USP7: variants seen among roughly 807,000 people sequenced by gnomAD.
USP7 encodes ubiquitin specific peptidase 7, also known as ubiquitin C-terminal hydrolase 7.
USP7 carries 9 observed loss-of-function variants against 162.9 expected under a neutral mutation model. The observed-to-expected ratio is 0.06, with a 90% CI of 0.03 to 0.10. The LOEUF (loss-of-function observed/expected upper bound fraction) is 0.10, where lower values mean the gene tolerates loss of function less well. Among genes scored for constraint, USP7 ranks in the 10% least tolerant of loss-of-function variants. The probability of loss-of-function intolerance (pLI) is 1.00; values close to 1 mark genes in which losing one functional copy is unlikely to be tolerated. For missense variants in USP7, 715 were observed against 1,373.7 expected (o/e 0.52, Z 7.58); for synonymous variants, 562 against 475.9 (o/e 1.18, Z -2.35).
Position 8,956,633 on chromosome 16 carries a change from G to A in USP7, c.79+6574C>T, listed in dbSNP as rs368596833. 1.8e-3 allele frequency among the ~76,000 whole-genome samples: 274 copies of A among 152,194 alleles called. 2 individuals carry two copies. The highest frequency in any genetic ancestry group is 5.9e-3 in the African/African-American group (245 of 41,512). On this transcript the variant is annotated intron_variant, in intron 1 of 30. Coordinates refer to ENST00000344836, the MANE Select transcript of USP7 (RefSeq NM_003470.3). ...ATAAAAATTAGCCGGGCATGGTAGCGTGTGCCTGTAGTCCAGCTACTCGGG... is the reference window on the plus strand; with the variant it reads ...ATAAAAATTAGCCGGGCATGGTAGCATGTGCCTGTAGTCCAGCTACTCGGG...
chr16:8,946,362 C>T (rs759969636), intron 1 of USP7, among the ~76,000 whole-genome samples: 2 of 152,266 alleles, frequency 1.3e-5, no homozygotes, highest in Non-Finnish European at 2.9e-5. Context: ...AGGAGGATCA[C>T]TTGTGGCCAG....
chr16:8,921,370 T>C (rs989361143), intron 3 of USP7, 75 bp from the exon 4 acceptor site: 15 of 1,516,726 alleles, frequency 9.9e-6, no homozygotes, highest in Admixed American at 9.7e-5. Flanking sequence ...ACAGTAAACA[T>C]AGCACACCAA....
intron 1 of USP7, among the ~76,000 whole-genome samples, chr16:8,946,649 G>A (rs1327310382): frequency 5.9e-5 from 9 of 152,224 alleles, no homozygotes; most frequent in Middle Eastern, 3.4e-3. Context: ...GAGCATACAG[G>A]CATGGCAAAG....
In USP7 at chr16:8,921,221, C is replaced by G; in HGVS notation, c.458G>C (p.Arg153Pro). The change falls in exon 4 of 31, where the codon CGT becomes CCT. Residue 153 changes from arginine (R) to proline (P), a missense_variant. Around this residue, in one of 11 missense-constraint regions of USP7, gnomAD observed 35 missense variants for 101.0 expected, o/e 0.35. Transcript: ENST00000344836. ...YRDDEKSFSR[R>P]ISHLFFHKEN... ...TTTATGGAAGAACAAATGACTAATA[C>G]GACGACTGAACGACTTTTCATCATC... 6.2e-7 allele frequency: 1 copy of G among 1,614,028 alleles called. No individual in the cohort carries two copies. The highest frequency in any genetic ancestry group is 8.5e-7 in the Non-Finnish European group (1 of 1,179,990).
chr16:8,913,199 T>C (rs1420793349), intron 10 of USP7, among the ~76,000 whole-genome samples: 2 of 152,034 alleles, frequency 1.3e-5, no homozygotes, highest in African/African-American at 4.8e-5. Context: ...CTACTGAAAA[T>C]ACAAAAATTA....
At chr16:8,946,531 G>A (rs539359526) in intron 1 of USP7, among the ~76,000 whole-genome samples, 20 of 152,286 alleles carry the variant, frequency 1.3e-4, no homozygotes, top group Non-Finnish European at 2.6e-4. Context: ...TGCAAATCGC[G>A]TATCTTACAA....
chr16:8,930,862 G>T (rs1456108469), intron 1 of USP7, among the ~76,000 whole-genome samples: 4 of 152,034 alleles, frequency 2.6e-5, no homozygotes, highest in African/African-American at 9.7e-5. Context: ...CCAACTATTT[G>T]GCAGGCTGAG....
At chr16:8,901,308 A>ACC (rs2061770463) in intron 18 of USP7, 74 bp from the exon 19 acceptor site, 1 of 953,364 alleles carries the variant, frequency 1.0e-6, no homozygotes, top group South Asian at 1.5e-5. Context: ...AAAAACAAAC[A>ACC]AACAAAAAAA....
chr16:8,957,357 G>A (rs1416689095), intron 1 of USP7, among the ~76,000 whole-genome samples: 2 of 152,200 alleles, frequency 1.3e-5, no homozygotes, highest in African/African-American at 4.8e-5. Flanking sequence ...TACATGGCAA[G>A]AAATATGTTG....
intron 1 of USP7, among the ~76,000 whole-genome samples, chr16:8,940,715 G>A (rs1315208189): frequency 6.6e-6 from 1 of 152,200 alleles, no homozygotes; most frequent in East Asian, 1.9e-4. Flanking sequence ...AAGATCAGAG[G>A]CTGTGGAGTG....
In USP7 at chr16:8,904,542, C is replaced by T. The variant is rs374207468; in HGVS notation, c.1597G>A (p.Asp533Asn). The T allele has an allele frequency of 3.1e-6, 5 of 1,614,074 alleles. No individual in the cohort carries two copies. Among genetic ancestry groups the T allele is most frequent in the South Asian group, 1.1e-5 (1 of 91,080 alleles). ...KLSEVLQAVT[D>N]HDIPQQLVER... ...ACCAACTGCTGAGGAATATCATGGT[C>T]GGTGACCGCCTGTAAAACTTCACCT... The change falls in exon 15 of 31, where the codon GAC (aspartate) becomes AAC (asparagine). Residue 533 changes from aspartate (D) to asparagine (N), a missense_variant. Physicochemically the swap from Asp to Asn is conservative, Grantham distance 23 (BLOSUM62 1). Coordinates refer to ENST00000344836, the MANE Select transcript of USP7 (RefSeq NM_003470.3).
chr16:8,959,461 G>T (rs777978830), intron 1 of USP7, among the ~76,000 whole-genome samples: 1 of 152,136 alleles, frequency 6.6e-6, no homozygotes, highest in Non-Finnish European at 1.5e-5. Context: ...AAAGAATCAG[G>T]AGAGCTGGAG....
At chr16:8,939,125 G>A (rs1898914557) in intron 1 of USP7, among the ~76,000 whole-genome samples, 3 of 152,188 alleles carry the variant, frequency 2.0e-5, no homozygotes, top group South Asian at 2.1e-4. Flanking sequence ...ACATTTACAT[G>A]TACTTACGTG....
intron 6 of USP7, among the ~76,000 whole-genome samples, chr16:8,918,619 G>A (rs567374134): frequency 1.3e-5 from 2 of 152,112 alleles, no homozygotes; most frequent in Non-Finnish European, 2.9e-5. Context: ...AGACCAGCCT[G>A]GACAACATGG....
chr16:8,917,669 G>A (rs1268979477), intron 6 of USP7, among the ~76,000 whole-genome samples: 1 of 152,118 alleles, frequency 6.6e-6, no homozygotes, highest in African/African-American at 2.4e-5. Context: ...GAGAGCTACC[G>A]CACCCAGCCT....
chr16:8,932,126 C>T (rs1230364848), intron 1 of USP7, among the ~76,000 whole-genome samples: 1 of 152,148 alleles, frequency 6.6e-6, no homozygotes, highest in African/African-American at 2.4e-5. Context: ...CCAATAATTC[C>T]TGAATAAAAT....
chr16:8,925,311 T>C (rs921762543), intron 2 of USP7, among the ~76,000 whole-genome samples: 13 of 152,170 alleles, frequency 8.5e-5, no homozygotes, highest in African/African-American at 2.9e-4. Flanking sequence ...CTCAACAAAA[T>C]GAGACTACTA....
intron 1 of USP7, among the ~76,000 whole-genome samples, chr16:8,931,395 T>C (rs4539593): frequency 0.046 from 6,956 of 152,226 alleles, 218 homozygotes; most frequent in Middle Eastern, 0.14. Flanking sequence ...ACCATGTCGG[T>C]CAACTGGTCT....
intron 3 of USP7, among the ~76,000 whole-genome samples, chr16:8,921,741 C>A (rs958429952): frequency 2.0e-5 from 3 of 152,132 alleles, no homozygotes; most frequent in African/African-American, 7.2e-5. Flanking sequence ...TGCTGTCCTG[C>A]CCCGGCATCG....
Sources: allele counts gnomAD v4.1 joint callset (sites outside exome capture counted in the v4.1 genomes callset), GRCh38; gene constraint gnomAD v4.1.1; regional missense constraint gnomAD v4.1.1; transcripts MANE v1.5; gene names NCBI Gene and HGNC (gene_info 2026-07-23, HGNC 2026-07-21).